Variants in DMD observed in about 807,000 individuals in gnomAD.
DMD encodes the protein mutant dystrophin.
A neutral mutation model predicts 330.1 loss-of-function variants in DMD; 63 were observed. That is an observed-to-expected ratio of 0.19 (90% CI 0.16 to 0.24). The LOEUF is 0.24. Ranked by LOEUF, DMD falls within the 10% of genes least tolerant of loss-of-function variation. The pLI is 1.00. For missense variants in DMD, 3,344 were observed against 2,684.1 expected (o/e 1.25, Z -5.43); for synonymous variants, 1,223 against 959.8 (o/e 1.27, Z -5.07).
At chrX:31,657,215 A>G (rs2080833782) in intron 54 of DMD, among the ~76,000 whole-genome samples, 1 of 111,655 alleles carries the variant, frequency 9.0e-6, no homozygotes, top group South Asian at 3.7e-4. Context: ...GTAATTGTAC[A>G]TTCTGCAAAG....
intron 21 of DMD, among the ~76,000 whole-genome samples, chrX:32,479,733 A>G (rs1398800898): frequency 2.7e-5 from 3 of 110,008 alleles, no homozygotes; most frequent in Non-Finnish European, 5.7e-5. Context: ...ATCTCTATAT[A>G]TCAGTATATA....
intron 44 of DMD, among the ~76,000 whole-genome samples, chrX:31,988,347 G>A (rs950504744): frequency 1.9e-5 from 2 of 106,398 alleles, no homozygotes; most frequent in African/African-American, 6.9e-5. Context: ...GGTGGCGGCC[G>A]CCTGTAGTCC....
At chrX:32,832,014 T>A (rs2079193704) in intron 4 of DMD, among the ~76,000 whole-genome samples, 1 of 110,838 alleles carries the variant, frequency 9.0e-6, no homozygotes, top group Non-Finnish European at 1.9e-5. Context: ...CCAATTGAAA[T>A]TAGACTAAAG....
intron 2 of DMD, among the ~76,000 whole-genome samples, chrX:33,013,623 A>G (rs1178471242): frequency 8.9e-6 from 1 of 112,423 alleles, no homozygotes; most frequent in Non-Finnish European, 1.9e-5. Context: ...AAGCAGGCAC[A>G]TTGCACAATA....
At chrX:31,883,981 A>G (rs917418219) in intron 47 of DMD, among the ~76,000 whole-genome samples, 44 of 111,598 alleles carry the variant, frequency 3.9e-4, no homozygotes, top group African/African-American at 1.2e-3. Flanking sequence ...GACTATTATC[A>G]AAAAGACAAA....
At chrX:33,305,491 A>G (rs1170903554) in intron 1 of DMD, among the ~76,000 whole-genome samples, 1 of 103,971 alleles carries the variant, frequency 9.6e-6, no homozygotes, top group Non-Finnish European at 2.0e-5. Flanking sequence ...TGGGTGCAGC[A>G]CACCAGCATG....
chrX:32,809,372 T>C, intron 7 of DMD, 121 bp downstream of exon 7: 2 of 580,744 alleles, frequency 3.4e-6, no homozygotes, highest in Admixed American at 2.3e-5. Flanking sequence ...TTTAAATATA[T>C]CTACAGTATT....
intron 7 of DMD, among the ~76,000 whole-genome samples, chrX:32,723,284 G>A (rs1471865969): frequency 1.8e-5 from 2 of 110,963 alleles, no homozygotes; most frequent in Non-Finnish European, 3.8e-5. Context: ...AAACCCACCT[G>A]GTCACGGTTT....
chrX:31,855,349 C>A (rs1173171983), intron 48 of DMD, among the ~76,000 whole-genome samples: 1 of 112,022 alleles, frequency 8.9e-6, no homozygotes, highest in African/African-American at 3.2e-5. Context: ...TGACATATCT[C>A]TGAATAGTGG....
Position 31,832,830 on chromosome X carries a change from A to G in DMD, c.7200+3888T>C, listed in dbSNP as rs776553492. The stretch of plus-strand genomic sequence containing the variant: ...CATGGCAGGTGATGTAAGCATTGAA[A>G]GTACATAAACATATTTTTAAAAGTT... On this transcript the variant is annotated intron_variant, in intron 49 of 78. Transcript: ENST00000357033. 2.7e-5 allele frequency among the ~76,000 whole-genome samples: 3 copies of G among 112,567 alleles called. No individual in the cohort carries two copies. In the South Asian group the frequency reaches 1.1e-3, roughly 41 times the overall value.
At chrX:32,178,596 G>T (rs1216080460) in intron 44 of DMD, among the ~76,000 whole-genome samples, 4 of 109,998 alleles carry the variant, frequency 3.6e-5, no homozygotes. Flanking sequence ...TGTATCCTAT[G>T]ACCTACATTG....
intron 1 of DMD, among the ~76,000 whole-genome samples, chrX:33,267,993 A>T (rs1311919944): frequency 2.0e-5 from 2 of 98,348 alleles, no homozygotes; most frequent in African/African-American, 7.7e-5. Context: ...GGCATTGGCA[A>T]TTTTTTTTTT....
At chrX:33,043,086 ATTC>A (rs1028809005) in intron 1 of DMD, among the ~76,000 whole-genome samples, 4 of 112,221 alleles carry the variant, frequency 3.6e-5, no homozygotes, top group Non-Finnish European at 7.5e-5. Flanking sequence ...ATGCAAATAT[ATTC>A]TTTTTTAATT....
At chrX:32,546,845 T>A (rs2049013112) in intron 16 of DMD, among the ~76,000 whole-genome samples, 1 of 111,314 alleles carries the variant, frequency 9.0e-6, no homozygotes, top group Non-Finnish European at 1.9e-5. Context: ...GCAACATAGC[T>A]CTAAAAAAAG....
At chrX:31,382,663 G>A (rs372244536) in intron 60 of DMD, among the ~76,000 whole-genome samples, 2 of 110,792 alleles carry the variant, frequency 1.8e-5, no homozygotes, top group African/African-American at 6.6e-5. Flanking sequence ...ATACAAAACC[G>A]TATCCAGGCC....
intron 7 of DMD, among the ~76,000 whole-genome samples, chrX:32,796,062 A>T (rs1181793323): frequency 9.1e-6 from 1 of 110,392 alleles, no homozygotes; most frequent in Non-Finnish European, 1.9e-5. Context: ...GATTTCTCAA[A>T]AAACTAAACA....
At chrX:33,315,903 T>G (rs2053925884) in intron 1 of DMD, among the ~76,000 whole-genome samples, 1 of 103,929 alleles carries the variant, frequency 9.6e-6, no homozygotes, top group Non-Finnish European at 1.9e-5. Flanking sequence ...AGAGGACTAG[T>G]TTTTTTTTTA....
At chrX:31,223,798 C>T (rs950058282) in intron 63 of DMD, among the ~76,000 whole-genome samples, 2 of 111,996 alleles carry the variant, frequency 1.8e-5, no homozygotes, top group African/African-American at 3.2e-5. Context: ...TTTATATAAA[C>T]CTTTTAAATA....
chrX:32,057,282 A>G (rs1352502509), intron 44 of DMD, among the ~76,000 whole-genome samples: 1 of 111,514 alleles, frequency 9.0e-6, no homozygotes, highest in African/African-American at 3.2e-5. Flanking sequence ...ATTAGATAAG[A>G]AAGAGAAATA....
Sources: gnomAD v4.1 joint callset for allele counts (sites outside exome capture counted in the v4.1 genomes callset) on GRCh38, gnomAD v4.1.1 for gene constraint, MANE v1.5 for transcripts, NCBI Gene and HGNC (gene_info 2026-07-23, HGNC 2026-07-21) for gene names.